Variants in SPPL2A observed in about 807,000 individuals in gnomAD.
The protein encoded by SPPL2A is signal peptide peptidase like 2A, also known as signal peptide peptidase-like 2A.
SPPL2A carries 51 observed loss-of-function variants against 63.8 expected under a neutral mutation model. That is an observed-to-expected ratio of 0.80 (90% CI 0.64 to 1.01). SPPL2A has a LOEUF of 1.01. SPPL2A is among the 50% of genes least tolerant of loss of function. SPPL2A has a pLI of 0.00. For missense variants in SPPL2A, 553 were observed against 622.7 expected, an observed-to-expected ratio of 0.89 and a Z score of 1.19; for synonymous variants, 188 against 205.8, an observed-to-expected ratio of 0.91 and a Z score of 0.74.
intron 1 of SPPL2A, among the ~76,000 whole-genome samples, chr15:50,751,793 A>G (rs1376326773): frequency 6.6e-6 from 1 of 152,026 alleles, no homozygotes; most frequent in Admixed American, 6.6e-5. Flanking sequence ...CATTCCTTCT[A>G]CCCTTACTGG....
intron 10 of SPPL2A, among the ~76,000 whole-genome samples, chr15:50,727,533 C>T (rs116804294): frequency 0.016 from 2,468 of 152,224 alleles, 75 homozygotes; most frequent in African/African-American, 0.057. Flanking sequence ...TAACTGAAGA[C>T]CATCATTGAC....
chr15:50,735,606 C>A (rs1178808747), intron 8 of SPPL2A, among the ~76,000 whole-genome samples: 1 of 152,086 alleles, frequency 6.6e-6, no homozygotes, highest in Non-Finnish European at 1.5e-5. Flanking sequence ...GTTGCCCAGG[C>A]TGGAGTGCAA....
intron 1 of SPPL2A, among the ~76,000 whole-genome samples, chr15:50,763,125 T>C (rs55757828): frequency 0.16 from 24,965 of 151,912 alleles, 2,619 homozygotes; most frequent in East Asian, 0.45. Context: ...TCAGAAAGGC[T>C]ACCTAGAGCT....
In SPPL2A at chr15:50,722,176, T is replaced by C; in HGVS notation, c.1275A>G (p.Arg425=). The part of the protein sequence containing the change: ...VPGLLIAYCR[R]FDVQTGSSYI... ...AAGAAGAACCAGTCTGAACATCAAA[T>C]CTTCTACAGTATGCAATCAACAGGC... The change falls in exon 13 of 15, where the codon AGA becomes AGG. Residue 425 remains arginine (R), a synonymous_variant. Transcript: ENST00000261854. The C allele has an allele frequency of 6.3e-7, 1 of 1,598,246 alleles. No individual in the cohort carries two copies. The highest frequency in any genetic ancestry group is 8.6e-7 in the Non-Finnish European group (1 of 1,169,110).
intron 13 of SPPL2A, among the ~76,000 whole-genome samples, chr15:50,721,662 T>TG (rs2062647861): frequency 6.6e-6 from 1 of 151,490 alleles, no homozygotes. Context: ...TGGAGTGCAG[T>TG]GGGGCAATCT....
chr15:50,758,059 T>G (rs974815459), intron 1 of SPPL2A, among the ~76,000 whole-genome samples: 2 of 145,116 alleles, frequency 1.4e-5, no homozygotes, highest in African/African-American at 2.6e-5. Context: ...GAGGCTGAGG[T>G]GGGTGGATCA....
intron 8 of SPPL2A, among the ~76,000 whole-genome samples, chr15:50,733,466 AT>A (rs2062746119): frequency 6.6e-6 from 1 of 152,096 alleles, no homozygotes; most frequent in South Asian, 2.1e-4. Context: ...TACTCTATAT[AT>A]TTTTTTGCAC....
intron 13 of SPPL2A, 123 bp from the exon 14 acceptor site, chr15:50,720,223 G>T: frequency 1.5e-6 from 1 of 684,870 alleles, no homozygotes; most frequent in Non-Finnish European, 2.4e-6. Context: ...ATGACTTCTT[G>T]TAATTTCATC....
intron 2 of SPPL2A, 24 bp downstream of exon 2, chr15:50,749,612 G>A (rs1490605525): frequency 7.3e-7 from 1 of 1,372,604 alleles, no homozygotes; most frequent in East Asian, 2.3e-5. Context: ...TTATGTTTAT[G>A]AATAGTAACT....
chr15:50,762,955 G>T (rs1345053933), intron 1 of SPPL2A, among the ~76,000 whole-genome samples: 6 of 150,694 alleles, frequency 4.0e-5, no homozygotes, highest in African/African-American at 1.5e-4. Flanking sequence ...ATATTGGCCA[G>T]GCTGGTCTCA....
At chr15:50,730,031 A>G (rs562963633) in intron 10 of SPPL2A, among the ~76,000 whole-genome samples, 2 of 152,168 alleles carry the variant, frequency 1.3e-5, no homozygotes, top group South Asian at 4.1e-4. Context: ...AAAGTAGAGA[A>G]TATCAAATAC....
At chr15:50,716,702 T>G (rs1485411740) in intron 14 of SPPL2A, among the ~76,000 whole-genome samples, 1 of 152,218 alleles carries the variant, frequency 6.6e-6, no homozygotes, top group African/African-American at 2.4e-5. Context: ...TTTCCTGATG[T>G]TGCTTGTCTT....
chr15:50,717,977 T>TG (rs779327376), intron 14 of SPPL2A, among the ~76,000 whole-genome samples: 44 of 126,374 alleles, frequency 3.5e-4, no homozygotes, highest in African/African-American at 1.2e-3. Context: ...CGTTTTTTTT[T>TG]TTTTTTTTTT....
In SPPL2A at chr15:50,747,717, G is replaced by A. The variant is rs1014680336; in HGVS notation, c.451-89C>T. The stretch of plus-strand genomic sequence containing the variant: ...AATAGTCCACATTTCACTCTGGAAT[G>A]GACATTATACATCAGACAGTCAAGA... On this transcript the variant is annotated intron_variant, in intron 4 of 14. Transcript: ENST00000261854. 7 of 898,516 alleles carry A rather than the reference G, an allele frequency of 7.8e-6. No homozygotes were observed. The African/African-American group carries it at 1.2e-4, about 15-fold the overall frequency. The allele number at this position is 898,516 out of a possible 1,614,324, so 55.7% of individuals were successfully genotyped here.
intron 1 of SPPL2A, among the ~76,000 whole-genome samples, chr15:50,760,944 G>C (rs945785590): frequency 1.3e-5 from 2 of 152,060 alleles, no homozygotes; most frequent in African/African-American, 4.8e-5. Flanking sequence ...TCAAGATGCA[G>C]CTATATGCTA....
intron 14 of SPPL2A, among the ~76,000 whole-genome samples, chr15:50,711,495 G>A (rs60155540): frequency 0.17 from 25,668 of 152,158 alleles, 2,739 homozygotes; most frequent in East Asian, 0.46. Flanking sequence ...ACAGGCGTGA[G>A]CCACCGCGCC....
intron 5 of SPPL2A, among the ~76,000 whole-genome samples, chr15:50,740,350 C>G (rs2062808870): frequency 6.7e-6 from 1 of 149,626 alleles, no homozygotes; most frequent in Admixed American, 6.7e-5. Context: ...TTGCTTGAAC[C>G]CGGGAGGCGG....
intron 3 of SPPL2A, among the ~76,000 whole-genome samples, chr15:50,748,408 T>C (rs2062876839): frequency 6.6e-6 from 1 of 151,614 alleles, no homozygotes; most frequent in Admixed American, 6.6e-5. Flanking sequence ...ATAGCATTTA[T>C]GATATATTCA....
At chr15:50,736,800 T>C in intron 6 of SPPL2A, 60 bp from the exon 7 acceptor site, 2 of 825,778 alleles carry the variant, frequency 2.4e-6, no homozygotes, top group Non-Finnish European at 4.1e-6. Flanking sequence ...AAGAAAATAT[T>C]TATACAAGCA....
Sources: gnomAD v4.1 joint callset for allele counts (sites outside exome capture counted in the v4.1 genomes callset) on GRCh38, gnomAD v4.1.1 for gene constraint, MANE v1.5 for transcripts, NCBI Gene and HGNC (gene_info 2026-07-23, HGNC 2026-07-21) for gene names.